The following CUL4A variants were observed in gnomAD, a reference collection of about 807,000 sequenced individuals.
The protein encoded by CUL4A is cullin-4A.
A neutral mutation model predicts 95.5 loss-of-function variants in CUL4A; 16 were observed. The observed-to-expected ratio is 0.17, with a 90% CI of 0.11 to 0.25. The LOEUF is 0.25. CUL4A is among the 10% of genes least tolerant of loss of function. The pLI is 1.00. For missense variants in CUL4A, 610 were observed against 937.0 expected (o/e 0.65, Z 4.56); for synonymous variants, 380 against 353.1 (o/e 1.08, Z -0.85).
intron 12 of CUL4A, 131 bp downstream of exon 12, chr13:113,244,645 T>A (rs1268092952): frequency 1.4e-6 from 1 of 702,162 alleles, no homozygotes; most frequent in Admixed American, 2.7e-5. Flanking sequence ...ACACTTTTCA[T>A]CCTTGCTAAC....
intron 12 of CUL4A, among the ~76,000 whole-genome samples, 188 bp downstream of exon 12, chr13:113,244,702 G>A (rs1409740446): frequency 2.0e-5 from 3 of 152,132 alleles, no homozygotes; most frequent in Non-Finnish European, 2.9e-5. Context: ...TTAGCCAGGC[G>A]TGGTGGCAGG....
chr13:113,239,689 G>A (rs897180348), intron 10 of CUL4A, 138 bp downstream of exon 10: 1 of 617,580 alleles, frequency 1.6e-6, no homozygotes, highest in Admixed American at 3.3e-5. Context: ...ACAGATGATA[G>A]GGTGGACAGT....
chr13:113,254,885 A>T (rs897934321), intron 17 of CUL4A, 68 bp from the exon 18 acceptor site: 1 of 1,594,672 alleles, frequency 6.3e-7, no homozygotes, highest in Non-Finnish European at 8.6e-7. Flanking sequence ...TGGTAGCATG[A>T]TTGGTTTACT....
intron 18 of CUL4A, among the ~76,000 whole-genome samples, chr13:113,258,389 T>C (rs1004664403): frequency 2.6e-5 from 4 of 152,218 alleles, no homozygotes; most frequent in African/African-American, 4.8e-5. Context: ...AATAAGAACA[T>C]TGACATTTTT....
At chr13:113,208,831 G>A, upstream of CUL4A, 1 of 1,408,652 alleles carries the variant, frequency 7.1e-7, no homozygotes, top group Non-Finnish European at 9.2e-7. Flanking sequence ...TTCTGCCGGG[G>A]CCCCGTCCTC....
At position 113,244,989 on chromosome 13, in the gene CUL4A, A is replaced by C. The variant is rs368624006; in HGVS notation, c.1374A>C (p.Ala458=). ...AAGCATTTTATAAAAAAGATTTGGC[A>C]AAAAGACTCCTTGTTGGGAAAAGTG... The part of the protein sequence containing the change: ...VFEAFYKKDL[A]KRLLVGKSAS... Residue 458 remains alanine (A), a synonymous_variant, in exon 13 of 20, where the codon GCA becomes GCC. Transcript: ENST00000375440. 2 of 1,614,070 alleles carry C rather than the reference A, an allele frequency of 1.2e-6. No individual in the cohort carries two copies. The highest frequency in any genetic ancestry group is 1.7e-6 in the Non-Finnish European group (2 of 1,179,884).
At chr13:113,224,680 G>A (rs751372899) in intron 3 of CUL4A, among the ~76,000 whole-genome samples, 13 of 152,234 alleles carry the variant, frequency 8.5e-5, no homozygotes, top group Non-Finnish European at 1.6e-4. Flanking sequence ...TATCGTGTAC[G>A]GAGCACTTGC....
chr13:113,209,514 G>GCGGGGCGGGGCGCGCGAGGAGGA, upstream of CUL4A: 3 of 600,292 alleles, frequency 5.0e-6, no homozygotes, highest in Non-Finnish European at 6.2e-6. Flanking sequence ...CGCGGGCGGG[G>GCGGGGCGGGGCGCGCGAGGAGGA]CGGGGCGGGG....
intron 8 of CUL4A, 24 bp downstream of exon 8, chr13:113,235,169 C>T (rs1254898643): frequency 5.3e-6 from 8 of 1,511,708 alleles, no homozygotes; most frequent in African/African-American, 4.1e-5. Flanking sequence ...GCTCGCTGAG[C>T]GTTCGTATCT....
At position 113,264,432 on chromosome 13, in the gene CUL4A, G is replaced by A. The variant is rs556177993; in HGVS notation, c.*850G>A. 6.8e-4 allele frequency: 104 copies of A among 152,270 alleles called. No homozygotes were observed. The highest frequency in any genetic ancestry group is 1.8e-3 in the African/African-American group (74 of 41,554). 9.4% of individuals were successfully genotyped at this position (152,270 alleles called of 1,614,324 possible). A position where few individuals can be genotyped will look rare whatever the true frequency, so the allele number is the denominator to read the frequency against. On this transcript the variant is annotated 3_prime_UTR_variant, in exon 20 of 20. Coordinates refer to ENST00000375440, the MANE Select transcript of CUL4A (RefSeq NM_001008895.4). ...GGTTTGGTTTTTACAGTCATGCGCA[G>A]GGACGATCCTTGTTCTCTGCTGTAA...
intron 2 of CUL4A, among the ~76,000 whole-genome samples, chr13:113,218,029 G>A (rs551925316): frequency 1.5e-4 from 23 of 152,356 alleles, no homozygotes; most frequent in Non-Finnish European, 3.2e-4. Context: ...CTGAGGTCAG[G>A]CGTTTGAGAC....
At chr13:113,243,434 G>A (rs796960895) in intron 11 of CUL4A, among the ~76,000 whole-genome samples, 1 of 152,078 alleles carries the variant, frequency 6.6e-6, no homozygotes, top group Admixed American at 6.6e-5. Flanking sequence ...AAGAAGGGAG[G>A]GGTGATCACC....
rs2139283244 is a variant in CUL4A, at chr13:113,254,747, A to G, written c.1807A>G (p.Asn603Asp). The change falls in exon 17 of 20, where the codon AAC becomes GAC. Residue 603 changes from asparagine to aspartate, a missense_variant. Asn to Asp is a conservative substitution (Grantham distance 23). Coordinates refer to ENST00000375440, the MANE Select transcript of CUL4A (RefSeq NM_001008895.4). Reference sequence around the variant, plus strand: ...CCAGACACTGGTGCTCCTCATGTTCAACGAGGGAGATGGCTTCAGCTTTGA... The same window carrying G: ...CCAGACACTGGTGCTCCTCATGTTCGACGAGGGAGATGGCTTCAGCTTTGA... ...LFQTLVLLMFNEGDGFSFEEI... is the reference protein window; with the variant it reads ...LFQTLVLLMFDEGDGFSFEEI... The G allele has an allele frequency of 6.2e-7, 1 of 1,613,336 alleles. No homozygotes were observed. Among genetic ancestry groups the G allele is most frequent in the Admixed American group, 1.7e-5 (1 of 59,708 alleles).
intron 9 of CUL4A, among the ~76,000 whole-genome samples, chr13:113,237,232 T>C (rs1344794118): frequency 6.6e-6 from 1 of 152,218 alleles, no homozygotes; most frequent in Non-Finnish European, 1.5e-5. Flanking sequence ...CCGTTCTTCA[T>C]GCACACTCGG....
At chr13:113,210,293 G>C (rs989311119) in intron 2 of CUL4A, among the ~76,000 whole-genome samples, 20 of 152,362 alleles carry the variant, frequency 1.3e-4, no homozygotes, top group African/African-American at 4.3e-4. Context: ...GGCTTAAGCT[G>C]CTTAGAACCA....
chr13:113,220,629 G>C (rs746550810), intron 3 of CUL4A, among the ~76,000 whole-genome samples: 1 of 152,182 alleles, frequency 6.6e-6, no homozygotes, highest in Non-Finnish European at 1.5e-5. Context: ...GTCAGTAGGC[G>C]GTGATTGTTC....
chr13:113,261,029 A>G (rs552801762), intron 19 of CUL4A, among the ~76,000 whole-genome samples: 1 of 152,334 alleles, frequency 6.6e-6, no homozygotes, highest in Admixed American at 6.5e-5. Flanking sequence ...TAGATGGGAC[A>G]TGGAAAGCTG....
At chr13:113,224,076 A>G (rs2041005885) in intron 3 of CUL4A, among the ~76,000 whole-genome samples, 1 of 152,128 alleles carries the variant, frequency 6.6e-6, no homozygotes, top group Non-Finnish European at 1.5e-5. Flanking sequence ...AAGCCCGCAG[A>G]GTGCGGTGGC....
intron 8 of CUL4A, 70 bp from the exon 9 acceptor site, chr13:113,236,753 C>G: frequency 3.0e-6 from 3 of 1,005,186 alleles, no homozygotes; most frequent in South Asian, 1.4e-5. Context: ...CAAATGCCCC[C>G]ATCTTTTGCA....
Sources: gnomAD v4.1 joint callset for allele counts (sites outside exome capture counted in the v4.1 genomes callset) on GRCh38, gnomAD v4.1.1 for gene constraint, MANE v1.5 for transcripts, NCBI Gene and HGNC (gene_info 2026-07-23, HGNC 2026-07-21) for gene names.